Variants in SLC34A2 observed in about 807,000 individuals in gnomAD.
SLC34A2 encodes the protein sodium-dependent phosphate transport protein 2B.
A neutral mutation model predicts 50.8 loss-of-function variants in SLC34A2; 41 were observed. The ratio of observed to expected loss-of-function variants is 0.81; its 90% confidence interval spans 0.63 to 1.05. The LOEUF is 1.05. SLC34A2 is among the 50% of genes least tolerant of loss of function. The pLI, the probability that SLC34A2 is intolerant of heterozygous loss-of-function variation, is 0.00. For missense variants in SLC34A2, 879 were observed against 876.7 expected (o/e 1.00, Z -0.03); for synonymous variants, 401 against 364.2 (o/e 1.10, Z -1.15).
In SLC34A2 at chr4:25,676,654, A is replaced by T; in HGVS notation, c.1978A>T (p.Lys660Ter). Residue 660 changes from lysine (K) to a stop codon, truncating the protein, a stop_gained, in exon 13 of 13, where the codon AAG (lysine) becomes TAG (stop). Coordinates refer to ENST00000382051, the MANE Select transcript of SLC34A2 (RefSeq NM_006424.3). LOFTEE classifies it low-confidence loss of function (END_TRUNC). Reference protein sequence around the residue: ...EAQEGQDVPVKAPETFDNITI... With the variant: ...EAQEGQDVPV Reference sequence around the variant, plus strand: ...GCAGGAGGGGCAGGATGTCCCTGTCAAGGCTCCTGAGACCTTTGATAACAT... The same window carrying T: ...GCAGGAGGGGCAGGATGTCCCTGTCTAGGCTCCTGAGACCTTTGATAACAT... The T allele has an allele frequency of 1.9e-6, 3 of 1,614,160 alleles. No individual in the cohort carries two copies. Among genetic ancestry groups the T allele is most frequent in the Non-Finnish European group, 2.5e-6 (3 of 1,180,018 alleles).
chr4:25,669,289 G>A (rs1402528485), intron 6 of SLC34A2, among the ~76,000 whole-genome samples: 1 of 152,180 alleles, frequency 6.6e-6, no homozygotes, highest in Non-Finnish European at 1.5e-5. Context: ...GAAAACTCCA[G>A]CATAGAGGGC....
In SLC34A2 at chr4:25,676,134, G is replaced by C; in HGVS notation, c.1459-1G>C. 1 of 1,613,912 alleles carries C rather than the reference G, an allele frequency of 6.2e-7. No homozygotes were observed. The highest frequency in any genetic ancestry group is 1.3e-5 in the African/African-American group (1 of 75,034). ...CACCTGTCCAACCTCTTGTGTTGCA[G>C]ATCGCCCTGTGCCACTTTTTCTTCA... On this transcript the variant is annotated splice_acceptor_variant, in intron 12 of 12. Transcript: ENST00000382051. LOFTEE classifies it high-confidence loss of function.
Position 25,676,307 on chromosome 4 carries a change from T to A in SLC34A2, c.1631T>A (p.Val544Glu), listed in dbSNP as rs771562085. Residue 544 changes from valine to glutamate, a missense_variant, in exon 13 of 13, where the codon GTG becomes GAG. Val to Glu is a moderately radical substitution (Grantham distance 121). Coordinates refer to ENST00000382051, the MANE Select transcript of SLC34A2 (RefSeq NM_006424.3). ...TTCTTCTTCCTGATCCCGCTGACGG[T>A]GTTTGGCCTCTCGCTGGCCGGCTGG... Reference protein sequence around the residue: ...IIFFFLIPLTVFGLSLAGWRV... With the variant: ...IIFFFLIPLTEFGLSLAGWRV... 1 of 1,614,130 alleles carries A rather than the reference T, an allele frequency of 6.2e-7. No individual in the cohort carries two copies. The highest frequency in any genetic ancestry group is 1.7e-5 in the Admixed American group (1 of 60,016).
chr4:25,667,568 T>C (rs1714565736), intron 5 of SLC34A2, among the ~76,000 whole-genome samples: 1 of 152,172 alleles, frequency 6.6e-6, no homozygotes, highest in African/African-American at 2.4e-5. Flanking sequence ...AAGGCGAGCC[T>C]GTGTGCCATG....
chr4:25,666,247 G>A lies in SLC34A2; in HGVS notation c.499G>A (p.Val167Ile), dbSNP rs745908881. The change falls in exon 5 of 13, where the codon GTT becomes ATT. Residue 167 changes from valine to isoleucine, a missense_variant. By Grantham distance (29) the Val-to-Ile change is conservative (BLOSUM62 3). Coordinates refer to ENST00000382051, the MANE Select transcript of SLC34A2 (RefSeq NM_006424.3). ...VQSSSTSTSIVVSMVSSSLLT... is the reference protein window; with the variant it reads ...VQSSSTSTSIIVSMVSSSLLT... The stretch of plus-strand genomic sequence containing the variant: ...GAGCTCCAGCACCTCAACGTCCATC[G>A]TTGTCAGCATGGTGTCCTCTTCATG... 404 of 1,613,830 alleles carry A rather than the reference G, an allele frequency of 2.5e-4. No homozygotes were observed. Among genetic ancestry groups the A allele is most frequent in the Non-Finnish European group, 3.2e-4 (383 of 1,180,034 alleles).
Position 25,676,772 on chromosome 4 carries a change from A to T in SLC34A2, c.*23A>T. ...TAGGGGACGCCCCAGATTGTCAGGG[A>T]TGGGGGGATGGTCCTTGAGTTTTGC... On this transcript the variant is annotated 3_prime_UTR_variant, in exon 13 of 13. Coordinates refer to ENST00000382051, the MANE Select transcript of SLC34A2 (RefSeq NM_006424.3). 6.2e-7 allele frequency: 1 copy of T among 1,613,802 alleles called. No individual in the cohort carries two copies.
At position 25,674,587 on chromosome 4, in the gene SLC34A2, C is replaced by A. The variant is rs756136817; in HGVS notation, c.1416C>A (p.Ala472=). The change falls in exon 12 of 13, where the codon GCC becomes GCA. Residue 472 remains alanine (A), a synonymous_variant. Coordinates refer to ENST00000382051, the MANE Select transcript of SLC34A2 (RefSeq NM_006424.3). ...NIGTTTTAIL[A]ALASPGNALR... ...GCACCACCACCACCGCCATCCTGGC[C>A]GCCTTAGCCAGCCCTGGCAATGCAT... The A allele has an allele frequency of 6.2e-7, 1 of 1,614,134 alleles. No homozygotes were observed.
At chr4:25,667,535 GA>G (rs927301768) in intron 5 of SLC34A2, among the ~76,000 whole-genome samples, 7 of 151,804 alleles carry the variant, frequency 4.6e-5, no homozygotes, top group Non-Finnish European at 7.4e-5. Flanking sequence ...AAAAAGAAAA[GA>G]AAAAAAACTG....
intron 4 of SLC34A2, among the ~76,000 whole-genome samples, chr4:25,665,900 A>G (rs1006712041): frequency 1.2e-4 from 18 of 152,148 alleles, no homozygotes; most frequent in African/African-American, 4.1e-4. Context: ...GCAGAGAGAC[A>G]GAGACAGGAG....
intron 9 of SLC34A2, 116 bp downstream of exon 9, chr4:25,671,837 G>A: frequency 7.1e-7 from 1 of 1,398,924 alleles, no homozygotes; most frequent in South Asian, 1.2e-5. Flanking sequence ...CCAAGCACCT[G>A]CCCTACATCA....
rs544957631 is a variant in SLC34A2 at position 25,670,137 on chromosome 4, G to A, written c.831+295G>A. On this transcript the variant is annotated intron_variant, in intron 7 of 12. Transcript: ENST00000382051. ...ATGTGGGGGCTGAGAAAGGAGGATC[G>A]CTTGAACCCCGGGAGGTCAAGGCTG... 1.8e-4 allele frequency among the ~76,000 whole-genome samples: 28 copies of A among 152,314 alleles called. 1 individual carries two copies. Among genetic ancestry groups the A allele is most frequent in the African/African-American group, 6.3e-4 (26 of 41,572 alleles).
At chr4:25,674,841 CTGG>C (rs1217963694) in intron 12 of SLC34A2, among the ~76,000 whole-genome samples, 2 of 152,138 alleles carry the variant, frequency 1.3e-5, no homozygotes, top group African/African-American at 4.8e-5. Context: ...ACCCTCATAA[CTGG>C]TGGTTGTTTC....
chr4:25,658,448 G>A (rs1175385400), intron 1 of SLC34A2, among the ~76,000 whole-genome samples: 1 of 152,186 alleles, frequency 6.6e-6, no homozygotes, highest in Non-Finnish European at 1.5e-5. Context: ...AGGGGCCCAG[G>A]AACAGGTCTT....
At chr4:25,671,505 G>A in intron 8 of SLC34A2, 96 bp from the exon 9 acceptor site, 1 of 1,474,294 alleles carries the variant, frequency 6.8e-7, no homozygotes, top group Non-Finnish European at 9.5e-7. Context: ...ATGCACCATG[G>A]GTGGTGTCTG....
In SLC34A2 at chr4:25,670,856, G is replaced by C. The variant is rs368385667; in HGVS notation, c.927+23G>C. The stretch of plus-strand genomic sequence containing the variant: ...AAGGTACGTTTCCAAGAATATTCCC[G>C]GGGCGGGGAGTGAACCTTTGCATCT... On this transcript the variant is annotated intron_variant, in intron 8 of 12. Transcript: ENST00000382051. The C allele has an allele frequency of 2.5e-6, 4 of 1,573,148 alleles. No homozygotes were observed. The African/African-American group carries it at 5.4e-5, about 21-fold the overall frequency.
rs764381388 is a variant in SLC34A2, at chr4:25,676,272, C to T, written c.1596C>T (p.Tyr532=). The T allele has an allele frequency of 4.3e-6, 7 of 1,614,086 alleles. No individual in the cohort carries two copies. The highest frequency in any genetic ancestry group is 8.5e-7 in the Non-Finnish European group (1 of 1,180,036). The part of the protein sequence containing the change: ...SAKYRWFAVF[Y]LIIFFFLIPL... ...AGTATCGCTGGTTCGCCGTCTTCTA[C>T]CTGATCATCTTCTTCTTCCTGATCC... The change falls in exon 13 of 13, where the codon TAC becomes TAT. Residue 532 remains tyrosine (Y), a synonymous_variant. Transcript: ENST00000382051.
chr4:25,671,402 G>A (rs761940396), intron 8 of SLC34A2, among the ~76,000 whole-genome samples, 199 bp from the exon 9 acceptor site: 11 of 152,132 alleles, frequency 7.2e-5, no homozygotes, highest in Non-Finnish European at 1.3e-4. Context: ...GATGAAGGCT[G>A]ATTTCAGTTG....
At chr4:25,668,883 C>G (rs1290769681) in intron 6 of SLC34A2, among the ~76,000 whole-genome samples, 1 of 147,194 alleles carries the variant, frequency 6.8e-6, no homozygotes, top group Admixed American at 6.8e-5. Context: ...TTAGCCTCTT[C>G]TAGCTAGTTT....
chr4:25,676,325 C>T lies in SLC34A2; in HGVS notation c.1649C>T (p.Ala550Val). The T allele has an allele frequency of 1.2e-6, 2 of 1,614,214 alleles. No individual in the cohort carries two copies. The highest frequency in any genetic ancestry group is 1.7e-6 in the Non-Finnish European group (2 of 1,180,048). The change falls in exon 13 of 13, where the codon GCC (alanine) becomes GTC (valine). Residue 550 changes from alanine (A) to valine (V), a missense_variant. Coordinates refer to ENST00000382051, the MANE Select transcript of SLC34A2 (RefSeq NM_006424.3). The part of the protein sequence containing the change: ...IPLTVFGLSL[A>V]GWRVLVGVGV... ...CTGACGGTGTTTGGCCTCTCGCTGG[C>T]CGGCTGGCGGGTGCTGGTTGGTGTC...
Sources: allele counts gnomAD v4.1 joint callset (sites outside exome capture counted in the v4.1 genomes callset), GRCh38; gene constraint gnomAD v4.1.1; transcripts MANE v1.5; gene names NCBI Gene and HGNC (gene_info 2026-07-23, HGNC 2026-07-21).